UTRN: variants seen among roughly 807,000 people sequenced by gnomAD.
UTRN encodes the protein dystrophin-related protein 1.
Under a neutral mutation model 463.9 loss-of-function variants are expected in UTRN, and 283 were observed. The observed-to-expected ratio is 0.61, with a 90% CI of 0.55 to 0.67. The LOEUF is 0.67. Ranked by LOEUF, UTRN falls within the 30% of genes least tolerant of loss-of-function variation. The pLI, the probability that UTRN is intolerant of heterozygous loss-of-function variation, is 0.00. For synonymous variants in UTRN, 1,442 were observed against 1,431.5 expected (o/e 1.01, Z -0.17); for missense variants, 3,922 against 4,084.3 (o/e 0.96, Z 1.08).
intron 2 of UTRN, among the ~76,000 whole-genome samples, chr6:144,377,170 T>C (rs1341729024): frequency 6.6e-6 from 1 of 152,086 alleles, no homozygotes; most frequent in East Asian, 1.9e-4. Flanking sequence ...CCCCAGTAGC[T>C]GAGATTACAA....
At chr6:144,438,266 A>G (rs917789091) in intron 11 of UTRN, among the ~76,000 whole-genome samples, 1 of 152,178 alleles carries the variant, frequency 6.6e-6, no homozygotes, top group South Asian at 2.1e-4. Context: ...ACTGTCTCCA[A>G]AAAAAGGAAA....
At chr6:144,675,613 G>A (rs1283802964) in intron 51 of UTRN, among the ~76,000 whole-genome samples, 2 of 152,136 alleles carry the variant, frequency 1.3e-5, no homozygotes, top group Non-Finnish European at 2.9e-5. Context: ...GCTTTCAAGA[G>A]AGCACCAGCT....
intron 51 of UTRN, among the ~76,000 whole-genome samples, chr6:144,621,357 T>C (rs1775358394): frequency 6.6e-6 from 1 of 152,158 alleles, no homozygotes; most frequent in Non-Finnish European, 1.5e-5. Flanking sequence ...AGAGAAACCA[T>C]GTATTTTTTT....
chr6:144,469,617 G>T (rs533803754), intron 23 of UTRN, among the ~76,000 whole-genome samples: 1 of 151,934 alleles, frequency 6.6e-6, no homozygotes, highest in Non-Finnish European at 1.5e-5. Flanking sequence ...AAATATTATA[G>T]TGTGGCTTTA....
At chr6:144,832,647 C>T (rs1458423812) in intron 69 of UTRN, among the ~76,000 whole-genome samples, 4 of 152,186 alleles carry the variant, frequency 2.6e-5, no homozygotes, top group Non-Finnish European at 4.4e-5. Flanking sequence ...GTGGTCAAAT[C>T]ATGGCCACAA....
At chr6:144,763,854 A>G (rs1190374065) in intron 58 of UTRN, among the ~76,000 whole-genome samples, 1 of 152,198 alleles carries the variant, frequency 6.6e-6, no homozygotes, top group East Asian at 1.9e-4. Flanking sequence ...AGCTCTCTCC[A>G]AAAGGGTCCC....
intron 51 of UTRN, among the ~76,000 whole-genome samples, chr6:144,591,710 T>G (rs1803090276): frequency 6.6e-6 from 1 of 152,102 alleles, no homozygotes; most frequent in African/African-American, 2.4e-5. Context: ...TTATGCTTTT[T>G]GGTGCCATCA....
chr6:144,569,860 C>T lies in UTRN; in HGVS notation c.7290-7239C>T, dbSNP rs9484887. 4.4e-3 allele frequency among the ~76,000 whole-genome samples: 664 copies of T among 152,198 alleles called. 3 individuals carry two copies. The highest frequency in any genetic ancestry group is 0.015 in the African/African-American group (641 of 41,534). Reference sequence around the variant, plus strand: ...AGATGTGATTTGACGACTTTACCTGCTGTTGCTGGATTTGAAGGTGGAAGA... The same window carrying T: ...AGATGTGATTTGACGACTTTACCTGTTGTTGCTGGATTTGAAGGTGGAAGA... On this transcript the variant is annotated intron_variant, in intron 50 of 74. Transcript: ENST00000367545.
intron 54 of UTRN, among the ~76,000 whole-genome samples, chr6:144,735,494 A>G (rs1789281923): frequency 6.6e-6 from 1 of 151,658 alleles, no homozygotes; most frequent in Non-Finnish European, 1.5e-5. Flanking sequence ...GAGGACCTGG[A>G]AAGGTCCTAC....
chr6:144,732,267 T>TATATAA (rs1554360096), intron 54 of UTRN, among the ~76,000 whole-genome samples: 1 of 89,718 alleles, frequency 1.1e-5, no homozygotes, highest in African/African-American at 6.2e-5. Flanking sequence ...TACACACATA[T>TATATAA]ATATATATAT....
At chr6:144,767,607 G>A (rs1265051694) in intron 58 of UTRN, among the ~76,000 whole-genome samples, 1 of 152,032 alleles carries the variant, frequency 6.6e-6, no homozygotes, top group Non-Finnish European at 1.5e-5. Flanking sequence ...TCATAGAATT[G>A]TAATCCAAAT....
chr6:144,345,320 T>C (rs150797995), intron 2 of UTRN, among the ~76,000 whole-genome samples: 1 of 152,304 alleles, frequency 6.6e-6, no homozygotes, highest in East Asian at 1.9e-4. Context: ...CTGTTACTTC[T>C]TTCTTAAATA....
Position 144,516,167 on chromosome 6 carries a change from C to G in UTRN, c.5245-62C>G. Reference sequence around the variant, plus strand: ...GTTTCTCTCTTGACACCCCATCTCTCTGATTAATGATGGAAAGTCAAATTA... The same window carrying G: ...GTTTCTCTCTTGACACCCCATCTCTGTGATTAATGATGGAAAGTCAAATTA... On this transcript the variant is annotated intron_variant, in intron 37 of 74. Transcript: ENST00000367545. The G allele has an allele frequency of 3.2e-6, 5 of 1,539,320 alleles. No homozygotes were observed. In the South Asian group the frequency reaches 5.9e-5, roughly 18 times the overall value.
intron 51 of UTRN, among the ~76,000 whole-genome samples, chr6:144,613,281 T>C (rs1209367229): frequency 1.3e-5 from 2 of 151,986 alleles, no homozygotes; most frequent in African/African-American, 2.4e-5. Flanking sequence ...AGAGGATTTA[T>C]GGCAAACCAA....
chr6:144,774,393 C>T (rs764923563), intron 60 of UTRN, 29 bp downstream of exon 60: 1 of 1,529,910 alleles, frequency 6.5e-7, no homozygotes, highest in Non-Finnish European at 8.7e-7. Flanking sequence ...GTTAATCAAT[C>T]TGTTACTTGA....
chr6:144,697,146 A>G (rs1433250184), intron 52 of UTRN, among the ~76,000 whole-genome samples: 1 of 152,194 alleles, frequency 6.6e-6, no homozygotes, highest in Middle Eastern at 3.2e-3. Flanking sequence ...TGTAGTAGAC[A>G]TCATCCTAGG....
intron 51 of UTRN, among the ~76,000 whole-genome samples, chr6:144,651,655 T>G (rs1188321998): frequency 6.6e-6 from 1 of 152,228 alleles, no homozygotes; most frequent in Non-Finnish European, 1.5e-5. Flanking sequence ...AGTAGAATGA[T>G]CTGACTCAAT....
chr6:144,684,162 G>T (rs1782501525), intron 52 of UTRN, among the ~76,000 whole-genome samples: 1 of 150,552 alleles, frequency 6.6e-6, no homozygotes, highest in African/African-American at 2.4e-5. Flanking sequence ...TGATTCTCCT[G>T]CCTCAGCCTC....
intron 53 of UTRN, among the ~76,000 whole-genome samples, chr6:144,706,310 A>C (rs952557615): frequency 1.3e-5 from 2 of 150,742 alleles, no homozygotes; most frequent in Non-Finnish European, 2.9e-5. Context: ...TTTAGTGTAT[A>C]TTCATGTATA....
Sources: allele counts gnomAD v4.1 joint callset (sites outside exome capture counted in the v4.1 genomes callset), GRCh38; gene constraint gnomAD v4.1.1; transcripts MANE v1.5; gene names NCBI Gene and HGNC (gene_info 2026-07-23, HGNC 2026-07-21).